Variants in WWC2 observed in about 807,000 individuals in gnomAD.
The protein encoded by WWC2 is WW and C2 domain containing 2.
Under a neutral mutation model 138.5 loss-of-function variants are expected in WWC2, and 101 were observed. That is an observed-to-expected ratio of 0.73 (90% confidence interval 0.62 to 0.86). The LOEUF is 0.86. Ranked by LOEUF, WWC2 falls within the 40% of genes least tolerant of loss-of-function variation. The pLI is 0.00. For missense variants in WWC2, 1,420 were observed against 1,419.4 expected, an observed-to-expected ratio of 1.00 and a Z score of -0.01; for synonymous variants, 558 against 538.4, an observed-to-expected ratio of 1.04 and a Z score of -0.50.
Position 183,099,347 on chromosome 4 carries a change from T to G in WWC2, c.-145T>G. The G allele has an allele frequency of 1.2e-6, 1 of 834,096 alleles. No homozygotes were observed. Among genetic ancestry groups the G allele is most frequent in the Non-Finnish European group, 1.5e-6 (1 of 654,228 alleles). 51.7% of individuals were successfully genotyped at this position (834,096 alleles called of 1,614,324 possible). On this transcript the variant is annotated 5_prime_UTR_variant, in exon 1 of 23. Coordinates refer to ENST00000403733, the MANE Select transcript of WWC2 (RefSeq NM_024949.6). ...TTCCTGAGGCACCTCCCGCGCGTGG[T>G]TCCGCCGCGCCCCGCGCCCTGCGCC...
chr4:183,282,690 G>A lies in WWC2; in HGVS notation c.2685-18G>A, dbSNP rs372229427. 1 of 1,556,378 alleles carries A rather than the reference G, an allele frequency of 6.4e-7. No homozygotes were observed. The highest frequency in any genetic ancestry group is 1.9e-5 in the Admixed American group (1 of 51,436). ...CATGCCTGCCTACCAAAAGTGTTTTGTTTTTGTTTTACCATAGGCTAACAA... is the reference window on the plus strand; with the variant it reads ...CATGCCTGCCTACCAAAAGTGTTTTATTTTTGTTTTACCATAGGCTAACAA... On this transcript the variant is annotated intron_variant, in intron 17 of 22. Transcript: ENST00000403733.
intron 4 of WWC2, among the ~76,000 whole-genome samples, chr4:183,220,702 C>T (rs569067513): frequency 9.3e-4 from 141 of 151,998 alleles, no homozygotes; most frequent in African/African-American, 1.7e-3. Flanking sequence ...GGCGTGGTGG[C>T]GGGCGCCTGT....
chr4:183,156,590 C>G (rs1182231089), intron 1 of WWC2, among the ~76,000 whole-genome samples: 2 of 152,120 alleles, frequency 1.3e-5, no homozygotes, highest in Non-Finnish European at 2.9e-5. Context: ...CCTTGGCCTC[C>G]CAAAGTGCTG....
At chr4:183,194,232 T>C (rs1735069325) in intron 2 of WWC2, among the ~76,000 whole-genome samples, 1 of 152,222 alleles carries the variant, frequency 6.6e-6, no homozygotes, top group Non-Finnish European at 1.5e-5. Flanking sequence ...GAAAAACCTC[T>C]CATTTTAACA....
intron 9 of WWC2, among the ~76,000 whole-genome samples, chr4:183,258,824 A>G (rs1737231948): frequency 6.6e-6 from 1 of 152,172 alleles, no homozygotes; most frequent in African/African-American, 2.4e-5. Context: ...ACTGCTCTGA[A>G]CTACTTTATT....
At chr4:183,202,912 A>G (rs1199561527) in intron 2 of WWC2, among the ~76,000 whole-genome samples, 1 of 152,228 alleles carries the variant, frequency 6.6e-6, no homozygotes. Context: ...CTAGCGTTAA[A>G]GGCTTTTTAT....
chr4:183,138,021 A>T (rs974424459), intron 1 of WWC2, among the ~76,000 whole-genome samples: 6 of 152,144 alleles, frequency 3.9e-5, no homozygotes, highest in Admixed American at 2.0e-4. Flanking sequence ...GGGTTCTTTC[A>T]GAAAGGGTTT....
intron 21 of WWC2, among the ~76,000 whole-genome samples, chr4:183,310,115 A>G (rs1739161167): frequency 6.6e-6 from 1 of 152,196 alleles, no homozygotes; most frequent in South Asian, 2.1e-4. Context: ...CCTCTGTATG[A>G]TATTGTAATG....
intron 1 of WWC2, among the ~76,000 whole-genome samples, chr4:183,141,303 A>G (rs1733292547): frequency 1.3e-5 from 2 of 152,206 alleles, no homozygotes; most frequent in African/African-American, 4.8e-5. Context: ...CTTTCTCACC[A>G]TGTGTGTGTG....
chr4:183,301,517 T>C (rs748577879), intron 21 of WWC2, among the ~76,000 whole-genome samples: 9 of 152,190 alleles, frequency 5.9e-5, no homozygotes, highest in Non-Finnish European at 1.2e-4. Context: ...TTGCAGTAGA[T>C]GATGATTAGC....
intron 1 of WWC2, among the ~76,000 whole-genome samples, chr4:183,135,460 T>A (rs2111082603): frequency 6.6e-6 from 1 of 152,176 alleles, no homozygotes; most frequent in South Asian, 2.1e-4. Flanking sequence ...AGTATCTTTA[T>A]CTTCTTTTAG....
chr4:183,197,045 G>T (rs1735165366), intron 2 of WWC2, among the ~76,000 whole-genome samples: 1 of 152,174 alleles, frequency 6.6e-6, no homozygotes, highest in Admixed American at 6.5e-5. Context: ...CTAGTATAAT[G>T]ATAAACTCTT....
At position 183,318,550 on chromosome 4, in the gene WWC2, G is replaced by A. The variant is rs980145718; in HGVS notation, c.*2821G>A. ...TTGCCTAATACTCTATTTCAGTGTCGTTTATTGTTCAGTTTATTTCCCTGA... is the reference window on the plus strand; with the variant it reads ...TTGCCTAATACTCTATTTCAGTGTCATTTATTGTTCAGTTTATTTCCCTGA... On this transcript the variant is annotated 3_prime_UTR_variant, in exon 23 of 23. Coordinates refer to ENST00000403733, the MANE Select transcript of WWC2 (RefSeq NM_024949.6). 7 of 151,862 alleles carry A rather than the reference G, an allele frequency of 4.6e-5. No homozygotes were observed. Among genetic ancestry groups the A allele is most frequent in the African/African-American group, 9.7e-5 (4 of 41,210 alleles). 9.4% of individuals were successfully genotyped at this position (151,862 alleles called of 1,614,324 possible). A position where few individuals can be genotyped will look rare whatever the true frequency, so the allele number is the denominator to read the frequency against.
At chr4:183,142,361 A>G (rs1733328245) in intron 1 of WWC2, among the ~76,000 whole-genome samples, 1 of 152,198 alleles carries the variant, frequency 6.6e-6, no homozygotes, top group South Asian at 2.1e-4. Context: ...AAGTTGTTAC[A>G]GGGATTAGGT....
chr4:183,311,876 A>G (rs1354354370), intron 21 of WWC2, among the ~76,000 whole-genome samples: 1 of 151,848 alleles, frequency 6.6e-6, no homozygotes, highest in Non-Finnish European at 1.5e-5. Context: ...CGCACCCGGC[A>G]TGTGCAGGTT....
intron 10 of WWC2, 141 bp from the exon 11 acceptor site, chr4:183,260,769 A>G: frequency 1.8e-6 from 2 of 1,127,578 alleles, no homozygotes; most frequent in African/African-American, 1.6e-5. Context: ...GCCGTAATAT[A>G]GGGAGTTCCT....
intron 1 of WWC2, among the ~76,000 whole-genome samples, chr4:183,131,305 T>C (rs1348913108): frequency 6.6e-6 from 1 of 151,804 alleles, no homozygotes; most frequent in Admixed American, 6.6e-5. Flanking sequence ...TCAGAAAAAA[T>C]CTTCATGACT....
intron 5 of WWC2, among the ~76,000 whole-genome samples, chr4:183,245,191 C>T (rs1736731709): frequency 6.9e-6 from 1 of 144,246 alleles, no homozygotes; most frequent in Admixed American, 7.1e-5. Context: ...CACGCCACTG[C>T]ACTCCAGCCT....
intron 1 of WWC2, among the ~76,000 whole-genome samples, chr4:183,168,797 G>A (rs1271591676): frequency 6.6e-6 from 1 of 151,948 alleles, no homozygotes; most frequent in Admixed American, 6.6e-5. Context: ...GTGAATACAA[G>A]AGTTTTAAAA....
Sources: allele counts gnomAD v4.1 joint callset (sites outside exome capture counted in the v4.1 genomes callset), GRCh38; gene constraint gnomAD v4.1.1; transcripts MANE v1.5; gene names NCBI Gene and HGNC (gene_info 2026-07-23, HGNC 2026-07-21).